Variants in PHACTR1 observed in about 807,000 individuals in gnomAD.
PHACTR1 encodes RPEL repeat containing 1.
PHACTR1 carries 16 observed loss-of-function variants against 69.2 expected under a neutral mutation model. The ratio of observed to expected loss-of-function variants is 0.23; its 90% CI spans 0.16 to 0.35. PHACTR1 has a LOEUF of 0.35. PHACTR1 is among the 10% of genes least tolerant of loss of function. PHACTR1 has a pLI of 1.00. For synonymous variants in PHACTR1, 312 were observed against 284.5 expected, an observed-to-expected ratio of 1.10 and a Z score of -0.97; for missense variants, 510 against 734.7, an observed-to-expected ratio of 0.69 and a Z score of 3.54.
At chr6:12,968,043 C>T (rs1350655283) in intron 4 of PHACTR1, among the ~76,000 whole-genome samples, 6 of 152,128 alleles carry the variant, frequency 3.9e-5, no homozygotes, top group African/African-American at 1.2e-4. Context: ...ATAATTCCTT[C>T]GGGGAGTCTG....
intron 5 of PHACTR1, among the ~76,000 whole-genome samples, chr6:13,128,048 C>T (rs1314509794): frequency 1.3e-5 from 2 of 150,456 alleles, no homozygotes; most frequent in Non-Finnish European, 3.0e-5. Context: ...CCTTAAAAAA[C>T]CATCAGATCT....
intron 5 of PHACTR1, among the ~76,000 whole-genome samples, chr6:13,150,088 T>C (rs559524178): frequency 1.1e-4 from 16 of 152,286 alleles, no homozygotes; most frequent in Admixed American, 4.6e-4. Flanking sequence ...GGCTCACACC[T>C]GTAATCCCAA....
chr6:13,084,776 C>G (rs550010356), intron 5 of PHACTR1, among the ~76,000 whole-genome samples: 1 of 152,052 alleles, frequency 6.6e-6, no homozygotes, highest in African/African-American at 2.4e-5. Context: ...CTATATTATT[C>G]TGGAGGAAGG....
chr6:12,964,838 C>G (rs1300772675), intron 4 of PHACTR1, among the ~76,000 whole-genome samples: 1 of 152,124 alleles, frequency 6.6e-6, no homozygotes, highest in Non-Finnish European at 1.5e-5. Flanking sequence ...GCACAGCAAG[C>G]CTGCATGGTA....
At chr6:13,237,592 G>C (rs931169613) in intron 10 of PHACTR1, among the ~76,000 whole-genome samples, 2 of 152,190 alleles carry the variant, frequency 1.3e-5, no homozygotes, top group Admixed American at 6.5e-5. Context: ...GTAAATGTGA[G>C]CACGTGTATG....
chr6:13,286,937 G>C, intron 14 of PHACTR1, 126 bp from the exon 15 acceptor site: 1 of 983,748 alleles, frequency 1.0e-6, no homozygotes, highest in Admixed American at 2.3e-5. Context: ...CTCCTGTGGG[G>C]ATGACGGTGG....
chr6:13,262,525 TTAAA>T (rs1255252329), intron 10 of PHACTR1, among the ~76,000 whole-genome samples: 4 of 152,184 alleles, frequency 2.6e-5, no homozygotes, highest in Admixed American at 1.3e-4. Context: ...GGGATCTGGG[TTAAA>T]TAGTTACTAA....
rs572008956 is a variant in PHACTR1 at position 13,020,188 on chromosome 6, G to A, written c.251-33177G>A. On this transcript the variant is annotated intron_variant, in intron 4 of 14. Transcript: ENST00000332995. The stretch of plus-strand genomic sequence containing the variant: ...TAAACAAGAATCCAGTTGTTGGTTT[G>A]GAAAAGAAGAAGTGAATTATAGAGA... Among the ~76,000 whole-genome samples the A allele has an allele frequency of 3.3e-5, 5 of 152,266 alleles. No individual in the cohort carries two copies. The South Asian group carries it at 6.2e-4, about 19-fold the overall frequency.
chr6:12,914,382 C>T (rs1582454014), intron 4 of PHACTR1, among the ~76,000 whole-genome samples: 1 of 152,284 alleles, frequency 6.6e-6, no homozygotes, highest in Non-Finnish European at 1.5e-5. Context: ...GGCTCCTTCA[C>T]TCTGCCTAGT....
chr6:13,180,998 GA>G (rs200807265), intron 6 of PHACTR1, among the ~76,000 whole-genome samples: 22 of 148,966 alleles, frequency 1.5e-4, no homozygotes, highest in East Asian at 2.0e-4. Flanking sequence ...ATTAAAAAAA[GA>G]AAAAAAAACA....
At chr6:13,022,873 C>T (rs1801171580) in intron 4 of PHACTR1, among the ~76,000 whole-genome samples, 2 of 151,892 alleles carry the variant, frequency 1.3e-5, no homozygotes, top group African/African-American at 2.4e-5. Flanking sequence ...TAAAATTAGC[C>T]AGGTGTGGTG....
At chr6:12,735,237 C>G (rs1764082280) in intron 3 of PHACTR1, among the ~76,000 whole-genome samples, 1 of 152,022 alleles carries the variant, frequency 6.6e-6, no homozygotes, top group African/African-American at 2.4e-5. Flanking sequence ...CATCACGTTG[C>G]AACTGACCTT....
At chr6:13,210,069 A>G (rs1445152427) in intron 8 of PHACTR1, among the ~76,000 whole-genome samples, 3 of 152,170 alleles carry the variant, frequency 2.0e-5, no homozygotes, top group East Asian at 1.9e-4. Context: ...GTGCAGTGGC[A>G]TGATCATGTC....
chr6:12,862,928 C>G (rs1781089416), intron 4 of PHACTR1, among the ~76,000 whole-genome samples: 1 of 152,230 alleles, frequency 6.6e-6, no homozygotes, highest in South Asian at 2.1e-4. Context: ...GTGACCTCTT[C>G]TTTGGAAGAC....
chr6:12,752,401 G>A (rs773808038), intron 4 of PHACTR1, among the ~76,000 whole-genome samples: 14 of 152,110 alleles, frequency 9.2e-5, no homozygotes, highest in South Asian at 2.1e-4. Context: ...CACAATTTAT[G>A]AACACTTAAG....
At chr6:12,949,009 G>T (rs529595338) in intron 4 of PHACTR1, among the ~76,000 whole-genome samples, 1 of 152,134 alleles carries the variant, frequency 6.6e-6, no homozygotes, top group Admixed American at 6.5e-5. Context: ...AATGGCTCAC[G>T]CCTGTAATCC....
intron 4 of PHACTR1, among the ~76,000 whole-genome samples, chr6:12,925,108 AC>A (rs1788131833): frequency 6.6e-6 from 1 of 152,178 alleles, no homozygotes; most frequent in South Asian, 2.1e-4. Context: ...AAATGCACAC[AC>A]AGCAGATGTC....
At position 13,273,205 on chromosome 6, in the gene PHACTR1, T is replaced by C. The variant is rs1053426052; in HGVS notation, c.1447+290T>C. The C allele has an allele frequency of 2.9e-5, 11 of 381,636 alleles. 1 individual carries two copies. Among genetic ancestry groups the C allele is most frequent in the Admixed American group, 2.6e-4 (6 of 23,080 alleles). 23.6% of individuals were successfully genotyped at this position (381,636 alleles called of 1,614,324 possible). A position where few individuals can be genotyped will look rare whatever the true frequency, so the allele number is the denominator to read the frequency against. On this transcript the variant is annotated intron_variant, in intron 11 of 14. Transcript: ENST00000332995. ...TGAAAAATTAGAGTGAGACCACTTATTATTTAATGATTTTTAAGAGCAGGG... is the reference window on the plus strand; with the variant it reads ...TGAAAAATTAGAGTGAGACCACTTACTATTTAATGATTTTTAAGAGCAGGG...
intron 5 of PHACTR1, among the ~76,000 whole-genome samples, chr6:13,142,554 A>C (rs1159314066): frequency 6.6e-6 from 1 of 152,146 alleles, no homozygotes. Flanking sequence ...TAGGTCTGTG[A>C]TTCATTTTCA....
Sources: allele counts gnomAD v4.1 joint callset (sites outside exome capture counted in the v4.1 genomes callset), GRCh38; gene constraint gnomAD v4.1.1; transcripts MANE v1.5; gene names NCBI Gene and HGNC (gene_info 2026-07-23, HGNC 2026-07-21).